SPAG16: variants seen among roughly 807,000 people sequenced by gnomAD.
SPAG16 encodes the protein sperm-associated antigen 16 protein.
A neutral mutation model predicts 80.4 loss-of-function variants in SPAG16; 86 were observed. The ratio of observed to expected loss-of-function variants is 1.07; its 90% CI spans 0.90 to 1.28. The LOEUF (loss-of-function observed/expected upper bound fraction) is 1.28, where lower values mean the gene tolerates loss of function less well. SPAG16 is among the 50% of genes most tolerant of loss of function. The probability of loss-of-function intolerance (pLI) is 0.00; values close to 1 mark genes in which losing one functional copy is unlikely to be tolerated. For synonymous variants in SPAG16, 294 were observed against 265.9 expected, an observed-to-expected ratio of 1.11 and a Z score of -1.03; for missense variants, 870 against 765.3, an observed-to-expected ratio of 1.14 and a Z score of -1.61.
At chr2:214,341,226 G>T (rs1417261570) in intron 15 of SPAG16, among the ~76,000 whole-genome samples, 1 of 151,990 alleles carries the variant, frequency 6.6e-6, no homozygotes, top group Admixed American at 6.6e-5. Flanking sequence ...AAGTGAAAAA[G>T]AAAGACAGAA....
chr2:213,809,993 G>T (rs774010468), intron 10 of SPAG16, among the ~76,000 whole-genome samples: 6 of 152,148 alleles, frequency 3.9e-5, no homozygotes, highest in African/African-American at 1.2e-4. Flanking sequence ...TGGCACCCAC[G>T]CATCGTACGA....
intron 10 of SPAG16, among the ~76,000 whole-genome samples, chr2:213,719,430 C>T (rs981758731): frequency 7.2e-5 from 11 of 152,190 alleles, no homozygotes; most frequent in Non-Finnish European, 1.5e-4. Flanking sequence ...TGTGTCGAAT[C>T]TCTGTATCTA....
intron 10 of SPAG16, among the ~76,000 whole-genome samples, chr2:213,620,933 G>T (rs2125051829): frequency 6.6e-6 from 1 of 151,986 alleles, no homozygotes; most frequent in South Asian, 2.1e-4. Flanking sequence ...TTCTTCAAGA[G>T]TCTCAAGCTC....
chr2:213,369,587 GA>G (rs1464114090), intron 8 of SPAG16, among the ~76,000 whole-genome samples: 4 of 108,184 alleles, frequency 3.7e-5, no homozygotes, highest in African/African-American at 1.1e-4. Context: ...AGGCAAAGAG[GA>G]TTTTTTTTTT....
At chr2:214,181,697 A>C (rs1050732632) in intron 15 of SPAG16, among the ~76,000 whole-genome samples, 4 of 151,846 alleles carry the variant, frequency 2.6e-5, no homozygotes, top group Non-Finnish European at 4.4e-5. Flanking sequence ...GAGTCTTGCA[A>C]TTCTCTGCCA....
intron 15 of SPAG16, among the ~76,000 whole-genome samples, chr2:214,225,214 G>A (rs182255693): frequency 1.8e-4 from 28 of 152,330 alleles, no homozygotes; most frequent in African/African-American, 6.3e-4. Context: ...GTAGAGATGC[G>A]TGGAGCAAGG....
chr2:214,394,045 T>C (rs1299410354), intron 15 of SPAG16, among the ~76,000 whole-genome samples: 1 of 152,212 alleles, frequency 6.6e-6, no homozygotes, highest in Non-Finnish European at 1.5e-5. Flanking sequence ...ATTCTGTGTT[T>C]TCAAGCTGCT....
chr2:213,913,705 A>T, intron 11 of SPAG16, among the ~76,000 whole-genome samples: 1 of 151,826 alleles, frequency 6.6e-6, no homozygotes, highest in Non-Finnish European at 1.5e-5. Flanking sequence ...ACATGTGTGT[A>T]TGCATATATA....
At chr2:214,024,853 C>T (rs1445048292) in intron 13 of SPAG16, among the ~76,000 whole-genome samples, 5 of 151,506 alleles carry the variant, frequency 3.3e-5, no homozygotes, top group African/African-American at 7.3e-5. Flanking sequence ...TTGAAGGTAA[C>T]TTAATCATAG....
intron 15 of SPAG16, among the ~76,000 whole-genome samples, chr2:214,174,164 T>C (rs1041010602): frequency 6.6e-6 from 1 of 152,004 alleles, no homozygotes. Context: ...CTTTGAAAAC[T>C]GGCACAAGAC....
intron 15 of SPAG16, among the ~76,000 whole-genome samples, chr2:214,291,775 T>G (rs561570428): frequency 6.6e-6 from 1 of 152,328 alleles, no homozygotes; most frequent in South Asian, 2.1e-4. Flanking sequence ...TCATTTGCTA[T>G]TGTGGTTAGG....
intron 10 of SPAG16, among the ~76,000 whole-genome samples, chr2:213,841,409 A>G (rs973821467): frequency 2.0e-5 from 3 of 152,156 alleles, no homozygotes; most frequent in Non-Finnish European, 2.9e-5. Flanking sequence ...CATTTTCCTA[A>G]TGCATCTTAA....
chr2:214,205,853 G>T (rs2125732459), intron 15 of SPAG16, among the ~76,000 whole-genome samples: 1 of 152,090 alleles, frequency 6.6e-6, no homozygotes, highest in South Asian at 2.1e-4. Flanking sequence ...TGTGTGTGTT[G>T]GGAACATTCT....
chr2:214,407,316 C>T (rs2126157657), intron 15 of SPAG16, among the ~76,000 whole-genome samples: 1 of 151,916 alleles, frequency 6.6e-6, no homozygotes, highest in East Asian at 1.9e-4. Flanking sequence ...TGTTACAAGA[C>T]AATATTTTGC....
chr2:213,805,996 T>C (rs938312661), intron 10 of SPAG16, among the ~76,000 whole-genome samples: 1 of 152,086 alleles, frequency 6.6e-6, no homozygotes, highest in Non-Finnish European at 1.5e-5. Flanking sequence ...AAATTAGATA[T>C]GCTGGAAATC....
intron 10 of SPAG16, among the ~76,000 whole-genome samples, chr2:213,613,356 AC>A (rs1270024544): frequency 7.2e-5 from 11 of 152,236 alleles, no homozygotes; most frequent in African/African-American, 2.7e-4. Flanking sequence ...ACAAGACCTT[AC>A]ATGACTTGGA....
intron 9 of SPAG16, among the ~76,000 whole-genome samples, chr2:213,436,858 C>T (rs1300821637): frequency 6.6e-6 from 1 of 151,982 alleles, no homozygotes; most frequent in African/African-American, 2.4e-5. Flanking sequence ...TTTTTAATTT[C>T]CAGTGTTTTA....
intron 10 of SPAG16, among the ~76,000 whole-genome samples, chr2:213,707,285 T>A (rs1184384735): frequency 6.6e-6 from 1 of 152,212 alleles, no homozygotes; most frequent in African/African-American, 2.4e-5. Flanking sequence ...CCCTCATGAA[T>A]CATGTTCAAG....
intron 10 of SPAG16, among the ~76,000 whole-genome samples, chr2:213,669,587 GAAAA>G (rs2063740697): frequency 6.6e-6 from 1 of 152,066 alleles, no homozygotes; most frequent in African/African-American, 2.4e-5. Context: ...AATACATAAA[GAAAA>G]AACACCTTGA....
Sources: allele counts gnomAD v4.1 joint callset (sites outside exome capture counted in the v4.1 genomes callset), GRCh38; gene constraint gnomAD v4.1.1; transcripts MANE v1.5; gene names NCBI Gene and HGNC (gene_info 2026-07-23, HGNC 2026-07-21).